The following SORBS2 variants were observed in gnomAD, a reference collection of about 807,000 sequenced individuals.
The protein encoded by SORBS2 is sorbin and SH3 domain-containing protein 2.
In SORBS2, 46 loss-of-function variants were observed where a neutral mutation model predicts 97.7. That is an observed-to-expected ratio of 0.47 (90% CI 0.37 to 0.60). The LOEUF (loss-of-function observed/expected upper bound fraction) is 0.60, where lower values mean the gene tolerates loss of function less well. SORBS2 is among the 20% of genes least tolerant of loss of function. The pLI is 0.00. For synonymous variants in SORBS2, 476 were observed against 473.4 expected (o/e 1.01, Z -0.07); for missense variants, 1,316 against 1,282.3 (o/e 1.03, Z -0.40).
intron 2 of SORBS2, among the ~76,000 whole-genome samples, chr4:185,769,976 G>GAAAAAA (rs2098960318): frequency 6.7e-6 from 1 of 150,070 alleles, no homozygotes; most frequent in Non-Finnish European, 1.5e-5. Flanking sequence ...AAAGGGCACT[G>GAAAAAA]TACACTGTAT....
intron 1 of SORBS2, among the ~76,000 whole-genome samples, chr4:185,906,875 C>T (rs943474819): frequency 6.6e-6 from 1 of 152,174 alleles, no homozygotes; most frequent in Middle Eastern, 3.2e-3. Context: ...CCTGTAATCC[C>T]AGCACTTTGG....
intron 5 of SORBS2, among the ~76,000 whole-genome samples, chr4:185,629,736 T>A (rs2096876086): frequency 1.3e-5 from 2 of 151,932 alleles, no homozygotes; most frequent in Non-Finnish European, 2.9e-5. Flanking sequence ...CTAATTTTTG[T>A]AGTTTTAGTA....
rs73873306 is a variant in SORBS2, at chr4:185,703,016, C to T, written c.-197-24194G>A. Among the ~76,000 whole-genome samples the T allele has an allele frequency of 7.5e-3, 1,135 of 152,266 alleles. 14 individuals are homozygous for T. Among genetic ancestry groups the T allele is most frequent in the African/African-American group, 0.026 (1,082 of 41,552 alleles). ...TAAAGACCCGTGCTTCTGATAGCAT[C>T]ATGATGAGATGGGGTACATATTAAC... On this transcript the variant is annotated intron_variant, in intron 2 of 20. Transcript: ENST00000284776.
exon 15 of SORBS2, chr4:185,587,363 C>A (rs1428223049): frequency 3.5e-4 from 65 of 183,448 alleles, no homozygotes; most frequent in East Asian, 4.8e-4. Context: ...TGATTTTTTT[C>A]TTTCTGATCC....
chr4:185,948,729 A>G (rs1579634850), intron 1 of SORBS2, among the ~76,000 whole-genome samples: 1 of 151,504 alleles, frequency 6.6e-6, no homozygotes, highest in African/African-American at 2.4e-5. Flanking sequence ...TGTTGGCCAG[A>G]CTGGTCTTGA....
At chr4:185,930,074 T>G (rs1196456050) in intron 1 of SORBS2, among the ~76,000 whole-genome samples, 1 of 152,174 alleles carries the variant, frequency 6.6e-6, no homozygotes, top group Non-Finnish European at 1.5e-5. Flanking sequence ...AACAAATGTG[T>G]GTTATCTTTG....
At chr4:185,652,726 T>G (rs1449867361) in exon 2 of SORBS2, 2 of 1,613,664 alleles carry the variant, frequency 1.2e-6, no homozygotes, top group Non-Finnish European at 8.5e-7. Context: ...GCCGGTCGAC[T>G]GTCTGTAATG....
chr4:185,894,311 C>T (rs750324001), intron 1 of SORBS2: 3 of 152,016 alleles, frequency 2.0e-5, no homozygotes, highest in Non-Finnish European at 4.4e-5. Context: ...TGCTTCATGG[C>T]CCCCAGGGAA....
At chr4:185,869,515 C>T (rs546712128) in intron 1 of SORBS2, among the ~76,000 whole-genome samples, 1 of 152,328 alleles carries the variant, frequency 6.6e-6, no homozygotes, top group South Asian at 2.1e-4. Context: ...ACCCTCAGCT[C>T]CCACACGCAC....
Position 185,638,842 on chromosome 4 carries a change from G to A in SORBS2, c.396+7826C>T, listed in dbSNP as rs763501381. The A allele has an allele frequency of 6.3e-6, 9 of 1,421,846 alleles. No individual in the cohort carries two copies. The South Asian group carries it at 1.1e-4, about 18-fold the overall frequency. 88.1% of individuals were successfully genotyped at this position (1,421,846 alleles called of 1,614,324 possible). On this transcript the variant is annotated intron_variant, in intron 4 of 14. Coordinates refer to ENST00000418609, the Ensembl canonical transcript of SORBS2. ...CAAGGGCTGCACCTGCACCTCTGCC[G>A]GGCATGAAGAAAGGTAAGGAAGGAA...
At chr4:185,679,437 A>G (rs576206520) in intron 2 of SORBS2, among the ~76,000 whole-genome samples, 2 of 152,358 alleles carry the variant, frequency 1.3e-5, no homozygotes, top group East Asian at 3.8e-4. Flanking sequence ...GCTGTGGAAA[A>G]TAAATTTCAG....
intron 12 of SORBS2, among the ~76,000 whole-genome samples, chr4:185,594,438 A>T (rs192541705): frequency 6.6e-6 from 1 of 152,372 alleles, no homozygotes; most frequent in East Asian, 1.9e-4. Context: ...ATAGGCAGAC[A>T]TCCCATGCTA....
At chr4:185,812,163 G>A (rs1304493114) in intron 1 of SORBS2, 1 of 152,182 alleles carries the variant, frequency 6.6e-6, no homozygotes, top group African/African-American at 2.4e-5. Context: ...GTATAAAAGA[G>A]GCTTCTTCCA....
At chr4:185,674,867 C>G (rs531013616) in intron 4 of SORBS2, among the ~76,000 whole-genome samples, 2 of 152,292 alleles carry the variant, frequency 1.3e-5, no homozygotes, top group East Asian at 3.9e-4. Context: ...GACATGATAT[C>G]TGGTCTCCAC....
rs114465592 is a variant in SORBS2, at chr4:185,837,904, C to T, written c.-337-62538G>A. On this transcript the variant is annotated intron_variant, in intron 1 of 20. Transcript: ENST00000284776. ...AAAGATTCTGGATTCTTTTGTAGGGCTGCTTGGGCCAGTCCCACCTCTTCC... is the reference window on the plus strand; with the variant it reads ...AAAGATTCTGGATTCTTTTGTAGGGTTGCTTGGGCCAGTCCCACCTCTTCC... Among the ~76,000 whole-genome samples the T allele has an allele frequency of 2.7e-3, 411 of 150,920 alleles. 3 individuals carry two copies. The highest frequency in any genetic ancestry group is 0.017 in the Middle Eastern group (5 of 288).
chr4:185,954,537 G>A (rs375104801), intron 1 of SORBS2, among the ~76,000 whole-genome samples: 48 of 152,308 alleles, frequency 3.2e-4, no homozygotes, highest in Middle Eastern at 3.4e-3. Flanking sequence ...CATAATTGAT[G>A]TTGTCACAGA....
intron 1 of SORBS2, among the ~76,000 whole-genome samples, chr4:185,942,780 C>G (rs2099272752): frequency 6.6e-6 from 1 of 152,160 alleles, no homozygotes; most frequent in Non-Finnish European, 1.5e-5. Flanking sequence ...AAGGAGTTTA[C>G]AATGTAGATA....
intron 1 of SORBS2, among the ~76,000 whole-genome samples, chr4:185,946,017 G>A (rs1353698599): frequency 6.6e-6 from 1 of 152,174 alleles, no homozygotes; most frequent in African/African-American, 2.4e-5. Flanking sequence ...AGCAAAGCTG[G>A]ACCTTCTTCT....
At chr4:185,798,201 A>G (rs923537976) in intron 1 of SORBS2, among the ~76,000 whole-genome samples, 14 of 152,190 alleles carry the variant, frequency 9.2e-5, no homozygotes, top group African/African-American at 2.9e-4. Flanking sequence ...ATTAGAATAC[A>G]TAATCCATTC....
Sources: allele counts gnomAD v4.1 joint callset (sites outside exome capture counted in the v4.1 genomes callset), GRCh38; gene constraint gnomAD v4.1.1; transcripts MANE v1.5; gene names NCBI Gene and HGNC (gene_info 2026-07-23, HGNC 2026-07-21).